The following BABAM2 variants were observed in gnomAD, a reference collection of about 807,000 sequenced individuals.
BABAM2 encodes BRISC and BRCA1-A complex member 2.
Under a neutral mutation model 54.7 loss-of-function variants are expected in BABAM2, and 31 were observed. The ratio of observed to expected loss-of-function variants is 0.57; its 90% CI spans 0.43 to 0.77. The LOEUF (loss-of-function observed/expected upper bound fraction) is 0.77, where lower values mean the gene tolerates loss of function less well. Among genes scored for constraint, BABAM2 ranks in the 30% least tolerant of loss-of-function variants. The probability of loss-of-function intolerance (pLI) is 0.00; values close to 1 mark genes in which losing one functional copy is unlikely to be tolerated. For synonymous variants in BABAM2, 167 were observed against 162.9 expected (o/e 1.03, Z -0.19); for missense variants, 364 against 455.8 (o/e 0.80, Z 1.83).
intron 7 of BABAM2, among the ~76,000 whole-genome samples, chr2:28,173,143 A>T (rs115038028): frequency 0.01 from 1,581 of 152,298 alleles, 16 homozygotes; most frequent in Non-Finnish European, 0.018. Context: ...TATCACACTG[A>T]GGATTAGGAT....
intron 5 of BABAM2, among the ~76,000 whole-genome samples, chr2:28,029,248 G>A (rs568837148): frequency 2.6e-5 from 4 of 152,128 alleles, no homozygotes; most frequent in South Asian, 4.2e-4. Context: ...TACATTTGCC[G>A]TCTTTACTAT....
chr2:28,270,220 C>T (rs548388941), intron 10 of BABAM2, among the ~76,000 whole-genome samples: 1 of 152,058 alleles, frequency 6.6e-6, no homozygotes, highest in Non-Finnish European at 1.5e-5. Flanking sequence ...CTCCTAGACT[C>T]AAGCCATCCT....
In BABAM2 at chr2:28,129,317, G is replaced by C. The variant is rs916226299; in HGVS notation, c.617G>C (p.Ser206Thr). Residue 206 changes from serine to threonine, a missense_variant, in exon 7 of 12, where the codon AGT becomes ACT. Ser to Thr is a moderately conservative substitution (Grantham distance 58). Transcript: ENST00000379624. ...GAAGATGTGGCCCTCCTCTCTGTTA[G>C]TTTTGAGGACACTGAAGCCACCCAG... ...PGEDVALLSV[S>T]FEDTEATQVY... 3.3e-5 allele frequency: 53 copies of C among 1,614,042 alleles called. No homozygotes were observed. The highest frequency in any genetic ancestry group is 4.1e-5 in the Non-Finnish European group (48 of 1,180,022).
chr2:28,165,147 G>T (rs960385670), intron 7 of BABAM2, among the ~76,000 whole-genome samples: 1 of 152,268 alleles, frequency 6.6e-6, no homozygotes, highest in Non-Finnish European at 1.5e-5. Context: ...AGTGTACTGC[G>T]GGAGAAAGAC....
intron 4 of BABAM2, among the ~76,000 whole-genome samples, chr2:28,009,146 ATGTGGG>A (rs1313952452): frequency 3.3e-5 from 5 of 152,128 alleles, no homozygotes; most frequent in Non-Finnish European, 7.4e-5. Flanking sequence ...TTTGCCTGCT[ATGTGGG>A]TGCCTGAACC....
chr2:28,240,134 T>C (rs142100150), intron 8 of BABAM2, among the ~76,000 whole-genome samples: 256 of 151,592 alleles, frequency 1.7e-3, no homozygotes, highest in Admixed American at 3.6e-3. Context: ...AGAGATAAGA[T>C]CTTGCTCTTT....
chr2:28,220,819 C>T (rs144690290), intron 7 of BABAM2, among the ~76,000 whole-genome samples: 2 of 152,036 alleles, frequency 1.3e-5, no homozygotes, highest in African/African-American at 2.4e-5. Context: ...CTACTTAGGA[C>T]GCTGAGGTAG....
intron 6 of BABAM2, among the ~76,000 whole-genome samples, chr2:28,057,169 G>C (rs1021877033): frequency 3.3e-5 from 5 of 152,076 alleles, no homozygotes; most frequent in African/African-American, 1.2e-4. Flanking sequence ...AAACTGTGGT[G>C]CCCAAAAATA....
At chr2:28,221,111 C>CCT (rs72394956) in intron 7 of BABAM2, among the ~76,000 whole-genome samples, 2,915 of 148,482 alleles carry the variant, frequency 0.02, 79 homozygotes, top group African/African-American at 0.062. Context: ...TCCCTTTTTT[C>CCT]CTCTCTCTCT....
At chr2:28,243,510 C>T (rs1436066434) in intron 9 of BABAM2, among the ~76,000 whole-genome samples, 1 of 151,664 alleles carries the variant, frequency 6.6e-6, no homozygotes, top group Non-Finnish European at 1.5e-5. Context: ...CTAGCCTGGG[C>T]AACAGAGCTA....
intron 2 of BABAM2, among the ~76,000 whole-genome samples, chr2:27,903,437 C>T (rs1445592036): frequency 1.3e-5 from 2 of 152,096 alleles, no homozygotes; most frequent in Non-Finnish European, 2.9e-5. Context: ...AACAAAAAAA[C>T]TTCTTTTTAA....
At chr2:28,247,505 C>G (rs1683011906) in intron 10 of BABAM2, among the ~76,000 whole-genome samples, 1 of 152,102 alleles carries the variant, frequency 6.6e-6, no homozygotes, top group East Asian at 1.9e-4. Context: ...TTTCTCCCTT[C>G]CATGAAGATG....
chr2:28,169,630 A>AAC (rs1452538245), intron 7 of BABAM2, among the ~76,000 whole-genome samples: 3 of 152,046 alleles, frequency 2.0e-5, no homozygotes, highest in Admixed American at 6.6e-5. Flanking sequence ...AACAAACAAA[A>AAC]ACAATAGCTA....
At chr2:28,037,802 G>C (rs181699641) in intron 5 of BABAM2, among the ~76,000 whole-genome samples, 24 of 152,252 alleles carry the variant, frequency 1.6e-4, no homozygotes, top group Admixed American at 5.2e-4. Context: ...ACAGCTCAGA[G>C]CTCCGAGCAA....
chr2:27,907,179 A>G (rs1262207258), intron 2 of BABAM2, among the ~76,000 whole-genome samples: 1 of 152,018 alleles, frequency 6.6e-6, no homozygotes, highest in Non-Finnish European at 1.5e-5. Context: ...TAATTTGGTT[A>G]TCTTTCTAAT....
intron 10 of BABAM2, among the ~76,000 whole-genome samples, chr2:28,258,615 C>CTTTTTCT (rs1553352130): frequency 5.0e-5 from 5 of 100,044 alleles, no homozygotes; most frequent in Non-Finnish European, 9.6e-5. Flanking sequence ...TTTTTCTTTT[C>CTTTTTCT]TTTTTTTTTT....
chr2:27,911,781 C>G (rs895338975), intron 2 of BABAM2, among the ~76,000 whole-genome samples: 1 of 152,130 alleles, frequency 6.6e-6, no homozygotes, highest in African/African-American at 2.4e-5. Context: ...CATAACTGTT[C>G]TAGATCTGAT....
At chr2:28,158,465 A>T (rs1672758872) in intron 7 of BABAM2, among the ~76,000 whole-genome samples, 1 of 152,260 alleles carries the variant, frequency 6.6e-6, no homozygotes, top group Non-Finnish European at 1.5e-5. Flanking sequence ...TTTATGCCTC[A>T]TGGCGGCCCT....
chr2:28,201,460 T>C (rs1678262920), intron 7 of BABAM2, among the ~76,000 whole-genome samples: 1 of 152,182 alleles, frequency 6.6e-6, no homozygotes, highest in Non-Finnish European at 1.5e-5. Flanking sequence ...GACGATATTT[T>C]TGAGGAAGTC....
Sources: gnomAD v4.1 joint callset for allele counts (sites outside exome capture counted in the v4.1 genomes callset) on GRCh38, gnomAD v4.1.1 for gene constraint, MANE v1.5 for transcripts, NCBI Gene and HGNC (gene_info 2026-07-23, HGNC 2026-07-21) for gene names.